Variants in CNTNAP2 observed in about 807,000 individuals in gnomAD.
The protein encoded by CNTNAP2 is contactin associated protein 2, also known as contactin-associated protein-like 2.
Under a neutral mutation model 155.2 loss-of-function variants are expected in CNTNAP2, and 98 were observed. The ratio of observed to expected loss-of-function variants is 0.63; its 90% CI spans 0.54 to 0.75. The LOEUF (loss-of-function observed/expected upper bound fraction) is 0.75. Among genes scored for constraint, CNTNAP2 ranks in the 30% least tolerant of loss-of-function variants. The pLI, the probability that CNTNAP2 is intolerant of heterozygous loss-of-function variation, is 0.00. For missense variants in CNTNAP2, 1,727 were observed against 1,688.1 expected (o/e 1.02, Z -0.40); for synonymous variants, 651 against 631.2 (o/e 1.03, Z -0.47).
chr7:146,128,590 A>G (rs1016239609), intron 1 of CNTNAP2, among the ~76,000 whole-genome samples: 1 of 152,196 alleles, frequency 6.6e-6, no homozygotes, highest in Non-Finnish European at 1.5e-5. Context: ...TACCTTGAAG[A>G]CAAACACATT....
chr7:146,843,195 G>C (rs1803774229), intron 3 of CNTNAP2, among the ~76,000 whole-genome samples: 1 of 134,320 alleles, frequency 7.4e-6, no homozygotes, highest in Non-Finnish European at 1.5e-5. Context: ...TGTATTTTTA[G>C]TAGAGACGGG....
At chr7:146,125,458 C>A (rs913375738) in intron 1 of CNTNAP2, among the ~76,000 whole-genome samples, 1 of 151,268 alleles carries the variant, frequency 6.6e-6, no homozygotes, top group African/African-American at 2.4e-5. Flanking sequence ...CGCCTGTAGT[C>A]CCAGCTACTT....
chr7:147,080,451 T>C (rs997685383), intron 4 of CNTNAP2, among the ~76,000 whole-genome samples: 15 of 151,944 alleles, frequency 9.9e-5, no homozygotes, highest in African/African-American at 3.1e-4. Flanking sequence ...GACTTAATAA[T>C]TAATAATTAA....
At chr7:146,911,733 C>T (rs1162827083) in intron 3 of CNTNAP2, among the ~76,000 whole-genome samples, 1 of 151,498 alleles carries the variant, frequency 6.6e-6, no homozygotes, top group Non-Finnish European at 1.5e-5. Context: ...GTGCAGCGCA[C>T]CAGCATGGCA....
intron 1 of CNTNAP2, among the ~76,000 whole-genome samples, chr7:146,279,015 T>G (rs931778472): frequency 6.6e-6 from 1 of 152,134 alleles, no homozygotes; most frequent in Non-Finnish European, 1.5e-5. Context: ...TCGAAGGTTC[T>G]TACTGGGCTT....
intron 9 of CNTNAP2, among the ~76,000 whole-genome samples, chr7:147,312,531 G>A (rs1307266862): frequency 2.5e-5 from 3 of 121,708 alleles, no homozygotes; most frequent in Admixed American, 1.8e-4. Context: ...TTGTCCTTGC[G>A]ATAGTTTACT....
chr7:147,128,905 T>A (rs1801294949), intron 7 of CNTNAP2, 69 bp downstream of exon 7: 1 of 1,579,928 alleles, frequency 6.3e-7, no homozygotes, highest in African/African-American at 1.3e-5. Flanking sequence ...TTTGGATTAT[T>A]GAACAACAAC....
chr7:146,897,500 A>G (rs1795900932), intron 3 of CNTNAP2, among the ~76,000 whole-genome samples: 2 of 152,034 alleles, frequency 1.3e-5, no homozygotes, highest in East Asian at 1.9e-4. Context: ...CCAGCTCGAG[A>G]CCTACGTTGT....
At chr7:146,602,383 G>A (rs6970808) in intron 1 of CNTNAP2, among the ~76,000 whole-genome samples, 1,836 of 152,202 alleles carry the variant, frequency 0.012, 25 homozygotes, top group African/African-American at 0.042. Context: ...TGTTGCAATA[G>A]GTGTTTATTC....
At chr7:146,922,357 G>T (rs1316081633) in intron 3 of CNTNAP2, among the ~76,000 whole-genome samples, 1 of 151,612 alleles carries the variant, frequency 6.6e-6, no homozygotes, top group African/African-American at 2.4e-5. Context: ...TGTCAAATTT[G>T]CATAGTAATT....
intron 3 of CNTNAP2, among the ~76,000 whole-genome samples, chr7:146,954,053 A>G (rs936617440): frequency 4.0e-5 from 6 of 151,734 alleles, no homozygotes; most frequent in Non-Finnish European, 8.8e-5. Context: ...GATAAAAGCA[A>G]CTCTTATTTC....
chr7:147,704,315 C>A, intron 13 of CNTNAP2: 1 of 167,242 alleles, frequency 6.0e-6, no homozygotes, highest in South Asian at 1.8e-4. Flanking sequence ...CTCTGATTTT[C>A]TTGTCAGCCT....
intron 1 of CNTNAP2, among the ~76,000 whole-genome samples, chr7:146,189,528 A>G (rs1798672289): frequency 6.6e-6 from 1 of 152,226 alleles, no homozygotes; most frequent in African/African-American, 2.4e-5. Flanking sequence ...CTAATGGGGC[A>G]TCTTAGAGAA....
intron 21 of CNTNAP2, among the ~76,000 whole-genome samples, chr7:148,293,510 ATGT>A (rs1415317970): frequency 6.6e-6 from 1 of 152,244 alleles, no homozygotes; most frequent in East Asian, 1.9e-4. Flanking sequence ...AGTCTCAGAA[ATGT>A]TGTATTAACC....
chr7:147,394,081 T>C (rs867055103), intron 9 of CNTNAP2, among the ~76,000 whole-genome samples: 17 of 152,150 alleles, frequency 1.1e-4, no homozygotes, highest in African/African-American at 3.1e-4. Flanking sequence ...CTGTATGTCA[T>C]GGGAGAGACC....
At chr7:146,473,010 G>A (rs1355989537) in intron 1 of CNTNAP2, among the ~76,000 whole-genome samples, 1 of 151,118 alleles carries the variant, frequency 6.6e-6, no homozygotes, top group East Asian at 1.9e-4. Flanking sequence ...AGAGAGGCTA[G>A]GGAAGAATTA....
At position 148,415,527 on chromosome 7, in the gene CNTNAP2, T is replaced by C; in HGVS notation, c.3907T>C (p.Ser1303Pro). ...TACCAACGAAGCAAAGGGGGCGGAG[T>C]CGGCAGAGAGCGCGGACGCCGCCAT... ...YHTNEAKGAE[S>P]AESADAAIMN... The change falls in exon 24 of 24, where the codon TCG becomes CCG. Residue 1303 changes from serine to proline, a missense_variant. Transcript: ENST00000361727. 1 of 1,613,958 alleles carries C rather than the reference T, an allele frequency of 6.2e-7. No homozygotes were observed. The highest frequency in any genetic ancestry group is 8.5e-7 in the Non-Finnish European group (1 of 1,179,998).
chr7:147,772,446 CTATATATA>C (rs58027241), intron 13 of CNTNAP2, among the ~76,000 whole-genome samples: 1,170 of 63,718 alleles, frequency 0.018, 34 homozygotes, highest in African/African-American at 0.05. Flanking sequence ...CTCTCTCTCG[CTATATATA>C]TATATATATA....
At chr7:146,780,470 T>A (rs1289221226) in intron 2 of CNTNAP2, among the ~76,000 whole-genome samples, 1 of 152,126 alleles carries the variant, frequency 6.6e-6, no homozygotes, top group Non-Finnish European at 1.5e-5. Context: ...ATTACAGGCG[T>A]GAGCCACTGT....
Sources: allele counts gnomAD v4.1 joint callset (sites outside exome capture counted in the v4.1 genomes callset), GRCh38; gene constraint gnomAD v4.1.1; transcripts MANE v1.5; gene names NCBI Gene and HGNC (gene_info 2026-07-23, HGNC 2026-07-21).